The following LHFPL6 variants were observed in gnomAD, a reference collection of about 807,000 sequenced individuals.
LHFPL6 encodes the protein LHFPL tetraspan subfamily member 6 protein.
A neutral mutation model predicts 20.6 loss-of-function variants in LHFPL6; 9 were observed. The ratio of observed to expected loss-of-function variants is 0.44; its 90% CI spans 0.26 to 0.76. LHFPL6 has a LOEUF of 0.76. LHFPL6 is among the 30% of genes least tolerant of loss of function. The pLI is 0.20. For missense variants in LHFPL6, 218 were observed against 253.5 expected (o/e 0.86, Z 0.95); for synonymous variants, 105 against 98.7 (o/e 1.06, Z -0.38).
intron 2 of LHFPL6, among the ~76,000 whole-genome samples, chr13:39,441,276 G>T (rs1269846091): frequency 6.7e-6 from 1 of 149,796 alleles, no homozygotes; most frequent in African/African-American, 2.5e-5. Flanking sequence ...GTGAGCCGCT[G>T]CACCTGGCCC....
intron 2 of LHFPL6, among the ~76,000 whole-genome samples, chr13:39,434,973 G>A (rs1302594463): frequency 1.4e-5 from 2 of 145,418 alleles, no homozygotes; most frequent in Non-Finnish European, 3.0e-5. Flanking sequence ...GGAGAATGGC[G>A]TGAACCCAGG....
rs570396131 is a variant in LHFPL6 at position 39,439,595 on chromosome 13, A to G, written c.386-61069T>C. 5.4e-4 allele frequency among the ~76,000 whole-genome samples: 83 copies of G among 152,322 alleles called. 1 individual carries two copies. The highest frequency in any genetic ancestry group is 1.6e-3 in the African/African-American group (67 of 41,570). On this transcript the variant is annotated intron_variant, in intron 2 of 3. Transcript: ENST00000379589. Reference sequence around the variant, plus strand: ...CCCTGCCCAAATATCATGCCAAATTATAAATCTCAATGTTGGAGATGGCGC... The same window carrying G: ...CCCTGCCCAAATATCATGCCAAATTGTAAATCTCAATGTTGGAGATGGCGC...
At chr13:39,385,724 C>T (rs1046987337) in intron 2 of LHFPL6, among the ~76,000 whole-genome samples, 1 of 152,196 alleles carries the variant, frequency 6.6e-6, no homozygotes, top group African/African-American at 2.4e-5. Flanking sequence ...CAGTACTTAA[C>T]ACTTAGCCAG....
intron 3 of LHFPL6, among the ~76,000 whole-genome samples, chr13:39,368,987 A>G (rs1311693713): frequency 6.6e-6 from 1 of 152,084 alleles, no homozygotes; most frequent in Non-Finnish European, 1.5e-5. Context: ...GAGAACACAT[A>G]ATACAAAAAA....
intron 2 of LHFPL6, among the ~76,000 whole-genome samples, chr13:39,592,217 A>T (rs959634666): frequency 1.3e-5 from 2 of 151,980 alleles, no homozygotes; most frequent in African/African-American, 4.8e-5. Flanking sequence ...GCTTTTTAGA[A>T]AAAAAAAGTA....
intron 3 of LHFPL6, among the ~76,000 whole-genome samples, chr13:39,356,760 T>C (rs185846168): frequency 3.5e-4 from 54 of 152,318 alleles, no homozygotes; most frequent in African/African-American, 1.2e-3. Flanking sequence ...AAGTCATTAA[T>C]CTAGAGGAAA....
chr13:39,504,519 G>C (rs941551672), intron 2 of LHFPL6, among the ~76,000 whole-genome samples: 5 of 152,128 alleles, frequency 3.3e-5, no homozygotes, highest in Admixed American at 3.3e-4. Context: ...CAAGATGCTG[G>C]CAGGTTTGGT....
intron 2 of LHFPL6, among the ~76,000 whole-genome samples, chr13:39,492,661 TTTTA>T (rs1361516593): frequency 6.6e-6 from 1 of 152,066 alleles, no homozygotes; most frequent in Admixed American, 6.5e-5. Context: ...TCTTTTTTAT[TTTTA>T]TTTATTTATT....
chr13:39,386,123 C>T (rs1870557259), intron 2 of LHFPL6, among the ~76,000 whole-genome samples: 1 of 152,174 alleles, frequency 6.6e-6, no homozygotes, highest in East Asian at 1.9e-4. Context: ...CTCATGAAAG[C>T]TGCTCAATCT....
intron 2 of LHFPL6, among the ~76,000 whole-genome samples, chr13:39,442,243 A>T (rs2138414809): frequency 6.6e-6 from 1 of 152,350 alleles, no homozygotes; most frequent in Admixed American, 6.5e-5. Flanking sequence ...GTCAATAAGT[A>T]TTCTGTTAAA....
At chr13:39,566,854 C>A (rs1386276543) in intron 2 of LHFPL6, among the ~76,000 whole-genome samples, 1 of 151,178 alleles carries the variant, frequency 6.6e-6, no homozygotes, top group African/African-American at 2.4e-5. Context: ...CTACCACTAT[C>A]TGGCTGTTAA....
intron 2 of LHFPL6, among the ~76,000 whole-genome samples, chr13:39,478,585 G>A (rs1868389993): frequency 6.6e-6 from 1 of 152,160 alleles, no homozygotes; most frequent in Non-Finnish European, 1.5e-5. Context: ...CTATGGGGCT[G>A]TTTCTGGATG....
At chr13:39,445,243 A>G (rs1872254984) in intron 2 of LHFPL6, among the ~76,000 whole-genome samples, 1 of 152,230 alleles carries the variant, frequency 6.6e-6, no homozygotes, top group Non-Finnish European at 1.5e-5. Context: ...GCAGCATGAA[A>G]TGGACACAGT....
intron 2 of LHFPL6, among the ~76,000 whole-genome samples, chr13:39,575,988 T>G (rs965503041): frequency 6.6e-6 from 1 of 152,226 alleles, no homozygotes; most frequent in Non-Finnish European, 1.5e-5. Context: ...CAAGGAGCCC[T>G]AGAGGAGGCA....
intron 2 of LHFPL6, among the ~76,000 whole-genome samples, chr13:39,472,591 C>A (rs1555263936): frequency 6.6e-6 from 1 of 151,968 alleles, no homozygotes; most frequent in Non-Finnish European, 1.5e-5. Context: ...TTCTTCCCCT[C>A]TTTATTTTAT....
chr13:39,565,448 T>C (rs1229086771), intron 2 of LHFPL6, among the ~76,000 whole-genome samples: 1 of 152,212 alleles, frequency 6.6e-6, no homozygotes, highest in African/African-American at 2.4e-5. Flanking sequence ...TTTTTATATT[T>C]GTGTAGTTGT....
chr13:39,457,605 G>C (rs959613893), intron 2 of LHFPL6, among the ~76,000 whole-genome samples: 3 of 152,194 alleles, frequency 2.0e-5, no homozygotes, highest in Admixed American at 2.0e-4. Flanking sequence ...TTTACCATAT[G>C]ACTCTGCAAT....
chr13:39,392,152 T>C (rs1471233652), intron 2 of LHFPL6, among the ~76,000 whole-genome samples: 2 of 152,140 alleles, frequency 1.3e-5, no homozygotes, highest in African/African-American at 2.4e-5. Context: ...TTAAAAGATA[T>C]AAAAACGTAC....
intron 2 of LHFPL6, among the ~76,000 whole-genome samples, chr13:39,455,420 T>C (rs1872546939): frequency 1.3e-5 from 2 of 152,318 alleles, no homozygotes; most frequent in African/African-American, 4.8e-5. Flanking sequence ...AGAAAAGGTG[T>C]GGTTTTATTT....
Sources: allele counts gnomAD v4.1 joint callset (sites outside exome capture counted in the v4.1 genomes callset), GRCh38; gene constraint gnomAD v4.1.1; transcripts MANE v1.5; gene names NCBI Gene and HGNC (gene_info 2026-07-23, HGNC 2026-07-21).